Variants in LHFPL2 observed in about 807,000 individuals in gnomAD.
LHFPL2 encodes the protein LHFPL tetraspan subfamily member 2, also known as LHFPL tetraspan subfamily member 2 protein.
In LHFPL2, 7 loss-of-function variants were observed where a neutral mutation model predicts 17.5. The ratio of observed to expected loss-of-function variants is 0.40; its 90% CI spans 0.23 to 0.75. The LOEUF (loss-of-function observed/expected upper bound fraction) is 0.75. LHFPL2 is among the 30% of genes least tolerant of loss of function. The probability of loss-of-function intolerance (pLI) is 0.37; values close to 1 mark genes in which losing one functional copy is unlikely to be tolerated. For synonymous variants in LHFPL2, 134 were observed against 116.2 expected, an observed-to-expected ratio of 1.15 and a Z score of -0.99; for missense variants, 241 against 294.8, an observed-to-expected ratio of 0.82 and a Z score of 1.34.
At chr5:78,564,130 T>A (rs1199587540) in intron 3 of LHFPL2, among the ~76,000 whole-genome samples, 2 of 152,028 alleles carry the variant, frequency 1.3e-5, no homozygotes, top group Admixed American at 6.5e-5. Flanking sequence ...GAACCTCCAG[T>A]TTATAATAAG....
chr5:78,596,651 C>T (rs1030577488), intron 2 of LHFPL2, among the ~76,000 whole-genome samples: 2 of 152,142 alleles, frequency 1.3e-5, no homozygotes, highest in Non-Finnish European at 2.9e-5. Flanking sequence ...TCTCCTATAG[C>T]CATGTCTGAA....
At chr5:78,641,953 T>TTGA (rs1745682115) in intron 1 of LHFPL2, 1 of 102,736 alleles carries the variant, frequency 9.7e-6, no homozygotes, top group Non-Finnish European at 2.0e-5. Context: ...ATGCTCAAGC[T>TTGA]GCTATAATAA....
intron 2 of LHFPL2, among the ~76,000 whole-genome samples, chr5:78,582,891 A>C (rs1290801444): frequency 6.6e-6 from 1 of 152,054 alleles, no homozygotes. Context: ...TGGGCTGTTG[A>C]AGTCTCCCAT....
chr5:78,491,824 TC>T (rs1327237308), intron 4 of LHFPL2, among the ~76,000 whole-genome samples: 4 of 152,276 alleles, frequency 2.6e-5, no homozygotes, highest in African/African-American at 9.6e-5. Flanking sequence ...GGCAGGCCCC[TC>T]TCACACAGAA....
At chr5:78,633,296 C>G (rs1425935398) in intron 1 of LHFPL2, among the ~76,000 whole-genome samples, 1 of 152,240 alleles carries the variant, frequency 6.6e-6, no homozygotes, top group Non-Finnish European at 1.5e-5. Flanking sequence ...AGCCCAGGTT[C>G]CTCCAGCATG....
intron 3 of LHFPL2, among the ~76,000 whole-genome samples, chr5:78,557,010 C>T (rs1245364290): frequency 1.3e-5 from 2 of 151,686 alleles, no homozygotes. Flanking sequence ...GCACAACATG[C>T]AGGTTTGTTA....
intron 1 of LHFPL2, among the ~76,000 whole-genome samples, chr5:78,645,548 A>ATACACC (rs1371463427): frequency 0.022 from 419 of 19,238 alleles, 1 homozygote; most frequent in Non-Finnish European, 0.029. Flanking sequence ...ATGCATACAC[A>ATACACC]CACACACACA....
intron 3 of LHFPL2, among the ~76,000 whole-genome samples, chr5:78,519,544 C>T (rs183636615): frequency 8.5e-5 from 13 of 152,348 alleles, no homozygotes. Flanking sequence ...TGGAGGCAGA[C>T]ACTTAATCTG....
At chr5:78,634,887 T>C (rs1442889203) in intron 1 of LHFPL2, among the ~76,000 whole-genome samples, 1 of 152,222 alleles carries the variant, frequency 6.6e-6, no homozygotes, top group African/African-American at 2.4e-5. Context: ...GTGATAAGAA[T>C]GGAATCATTT....
Position 78,609,043 on chromosome 5 carries a change from G to A in LHFPL2, c.-245+23221C>T, listed in dbSNP as rs567865304. On this transcript the variant is annotated intron_variant, in intron 2 of 4. Coordinates refer to ENST00000380345, the MANE Select transcript of LHFPL2 (RefSeq NM_005779.3). ...CCTTTCTGCAAGAGTTTGTCAACCTGCATGAATATCCAAAATGTTTATACT... is the reference window on the plus strand; with the variant it reads ...CCTTTCTGCAAGAGTTTGTCAACCTACATGAATATCCAAAATGTTTATACT... Among the ~76,000 whole-genome samples, 9 of 152,154 alleles carry A rather than the reference G, an allele frequency of 5.9e-5. No individual in the cohort carries two copies. In the South Asian group the frequency reaches 1.9e-3, roughly 32 times the overall value.
At chr5:78,614,684 C>T (rs1170154159) in intron 2 of LHFPL2, among the ~76,000 whole-genome samples, 1 of 151,960 alleles carries the variant, frequency 6.6e-6, no homozygotes, top group East Asian at 1.9e-4. Context: ...CAATACAGCT[C>T]ATGTTTAGAA....
chr5:78,570,623 GTATATATATAGTATA>G (rs1481372349), intron 2 of LHFPL2, among the ~76,000 whole-genome samples: 2 of 145,684 alleles, frequency 1.4e-5, no homozygotes, highest in African/African-American at 2.6e-5. Context: ...ATATATATAC[GTATATATATAGTATA>G]TATATATATA....
Position 78,488,601 on chromosome 5 carries a change from T to G in LHFPL2, c.*296A>C, listed in dbSNP as rs1453127572. The G allele has an allele frequency of 2.9e-5, 11 of 374,532 alleles. No individual in the cohort carries two copies. The highest frequency in any genetic ancestry group is 4.5e-5 in the Non-Finnish European group (9 of 199,794). 23.2% of individuals were successfully genotyped at this position (374,532 alleles called of 1,614,324 possible). The stretch of plus-strand genomic sequence containing the variant: ...CCAGAGAAACTGCTGCCCTAATGAT[T>G]TAGATTATTATCCTTCATTGAACCT... On this transcript the variant is annotated 3_prime_UTR_variant, in exon 5 of 5. Transcript: ENST00000380345.
At chr5:78,519,848 C>T (rs926647352) in intron 3 of LHFPL2, among the ~76,000 whole-genome samples, 2 of 152,196 alleles carry the variant, frequency 1.3e-5, no homozygotes, top group South Asian at 4.1e-4. Flanking sequence ...GGTTCTGGAG[C>T]CCATCTGGCA....
chr5:78,496,490 C>A (rs889499104), intron 4 of LHFPL2, among the ~76,000 whole-genome samples: 1 of 152,140 alleles, frequency 6.6e-6, no homozygotes, highest in South Asian at 2.1e-4. Context: ...AAAACAAATC[C>A]CTCTAGTGTT....
intron 2 of LHFPL2, among the ~76,000 whole-genome samples, chr5:78,601,561 G>A (rs1284208123): frequency 6.6e-6 from 1 of 152,128 alleles, no homozygotes; most frequent in Non-Finnish European, 1.5e-5. Flanking sequence ...AATCTAATAA[G>A]ACTATAAACC....
At chr5:78,636,327 A>G (rs778733074) in intron 1 of LHFPL2, among the ~76,000 whole-genome samples, 28 of 152,300 alleles carry the variant, frequency 1.8e-4, no homozygotes, top group Admixed American at 2.6e-4. Context: ...ACTTCACCCA[A>G]TTTCTCTAAT....
intron 3 of LHFPL2, among the ~76,000 whole-genome samples, chr5:78,553,196 T>G (rs868425694): frequency 6.6e-6 from 1 of 152,156 alleles, no homozygotes; most frequent in Non-Finnish European, 1.5e-5. Flanking sequence ...ACTCACTACT[T>G]CCTGACCACA....
rs143464200 is a variant in LHFPL2 at position 78,611,249 on chromosome 5, A to C, written c.-245+21015T>G. 3.0e-3 allele frequency among the ~76,000 whole-genome samples: 460 copies of C among 152,324 alleles called. 2 individuals are homozygous for C. Among genetic ancestry groups the C allele is most frequent in the African/African-American group, 0.01 (433 of 41,576 alleles). Reference sequence around the variant, plus strand: ...CCAGGCAGAGCACAGGCTGCTGTGAACTGTGGCCCAACTGCAGGGCCAGTC... The same window carrying C: ...CCAGGCAGAGCACAGGCTGCTGTGACCTGTGGCCCAACTGCAGGGCCAGTC... On this transcript the variant is annotated intron_variant, in intron 2 of 4. Coordinates refer to ENST00000380345, the MANE Select transcript of LHFPL2 (RefSeq NM_005779.3).
Sources: allele counts gnomAD v4.1 joint callset (sites outside exome capture counted in the v4.1 genomes callset), GRCh38; gene constraint gnomAD v4.1.1; transcripts MANE v1.5; gene names NCBI Gene and HGNC (gene_info 2026-07-23, HGNC 2026-07-21).